The following FOXP2 variants were observed in gnomAD, a reference collection of about 807,000 sequenced individuals.
The protein encoded by FOXP2 is forkhead box protein P2.
FOXP2 carries 12 observed loss-of-function variants against 115.8 expected under a neutral mutation model. That is an observed-to-expected ratio of 0.10 (90% confidence interval 0.07 to 0.17). The LOEUF is 0.17. FOXP2 is among the 10% of genes least tolerant of loss of function. The pLI is 1.00. For synonymous variants in FOXP2, 328 were observed against 297.7 expected, an observed-to-expected ratio of 1.10 and a Z score of -1.05; for missense variants, 629 against 843.5, an observed-to-expected ratio of 0.75 and a Z score of 3.15.
chr7:114,219,994 G>A (rs1218359793), intron 1 of FOXP2, among the ~76,000 whole-genome samples: 1 of 151,484 alleles, frequency 6.6e-6, no homozygotes, highest in Non-Finnish European at 1.5e-5. Context: ...AGCCTCCTGA[G>A]TAGCTGGGAC....
chr7:114,535,486 AT>A (rs1367982303), intron 3 of FOXP2, among the ~76,000 whole-genome samples: 5 of 151,628 alleles, frequency 3.3e-5, no homozygotes, highest in Non-Finnish European at 7.4e-5. Flanking sequence ...TACATGTCTA[AT>A]AAGGCAAATT....
chr7:114,607,514 T>A (rs1243641376), intron 3 of FOXP2, among the ~76,000 whole-genome samples: 2 of 152,106 alleles, frequency 1.3e-5, no homozygotes, highest in Non-Finnish European at 2.9e-5. Flanking sequence ...GAGATAAAAA[T>A]GTGATAAAAT....
chr7:114,468,372 G>A (rs910860643), intron 2 of FOXP2, among the ~76,000 whole-genome samples: 4 of 151,772 alleles, frequency 2.6e-5, no homozygotes, highest in East Asian at 1.9e-4. Context: ...TTGTCATGTC[G>A]CTCACTTGCT....
rs141060721 is a variant in FOXP2 at position 114,500,285 on chromosome 7, T to TA, written c.169-34331dup. 2.4e-3 allele frequency among the ~76,000 whole-genome samples: 362 copies of TA among 151,600 alleles called. 2 individuals carry two copies. The highest frequency in any genetic ancestry group is 8.3e-3 in the African/African-American group (345 of 41,344). On this transcript the variant is annotated intron_variant, in intron 2 of 16. Transcript: ENST00000350908. Reference sequence around the variant, plus strand: ...CTTGTCAAAATGAGAAACTGAAACTTATAGTGGCTCAAGGATTTTTTCGTC... The same window carrying TA: ...CTTGTCAAAATGAGAAACTGAAACTTAATAGTGGCTCAAGGATTTTTTCGTC...
chr7:114,406,016 A>T (rs1465900352), intron 2 of FOXP2, among the ~76,000 whole-genome samples: 1 of 151,990 alleles, frequency 6.6e-6, no homozygotes, highest in South Asian at 2.1e-4. Context: ...AATAACTGTC[A>T]ATTTTAGTAA....
chr7:114,651,979 A>C (rs573864419), intron 8 of FOXP2, among the ~76,000 whole-genome samples: 1 of 152,174 alleles, frequency 6.6e-6, no homozygotes, highest in Non-Finnish European at 1.5e-5. Flanking sequence ...AGGTAAGCTT[A>C]GAGACAGTGA....
chr7:114,603,670 C>A (rs925110585), intron 3 of FOXP2, among the ~76,000 whole-genome samples: 4 of 152,108 alleles, frequency 2.6e-5, no homozygotes, highest in Non-Finnish European at 5.9e-5. Flanking sequence ...AGTGATTTTT[C>A]AATAAGAATG....
At position 114,526,488 on chromosome 7, in the gene FOXP2, C is replaced by CA. The variant is rs572768894; in HGVS notation, c.169-8118dup. 8.2e-3 allele frequency among the ~76,000 whole-genome samples: 1,127 copies of CA among 137,712 alleles called. 5 individuals are homozygous for CA. Among genetic ancestry groups the CA allele is most frequent in the Middle Eastern group, 0.016 (4 of 254 alleles). 90.3% of individuals were successfully genotyped at this position (137,712 alleles called of 152,430 possible). On this transcript the variant is annotated intron_variant, in intron 2 of 16. Transcript: ENST00000350908. ...GAGACTCTGTCTCAAAAAAAAAAAA[C>CA]AAAAAAAAAAACACAACAAACAAAA...
At chr7:114,587,324 A>G (rs982232202) in intron 3 of FOXP2, among the ~76,000 whole-genome samples, 5 of 152,000 alleles carry the variant, frequency 3.3e-5, no homozygotes, top group East Asian at 3.9e-4. Context: ...GAGAACATGC[A>G]GTGTTTGGTT....
chr7:114,666,290 T>C (rs1013775378), intron 16 of FOXP2: 3 of 152,116 alleles, frequency 2.0e-5, no homozygotes, highest in Non-Finnish European at 4.4e-5. Context: ...TTTTCTAAGT[T>C]ACATCAATTA....
intron 3 of FOXP2, among the ~76,000 whole-genome samples, chr7:114,603,478 A>G (rs188426101): frequency 6.6e-6 from 1 of 152,208 alleles, no homozygotes; most frequent in Non-Finnish European, 1.5e-5. Context: ...CTAATGACCA[A>G]TTAATTGGTA....
intron 1 of FOXP2, among the ~76,000 whole-genome samples, chr7:114,199,909 T>G (rs1411409201): frequency 2.6e-5 from 4 of 152,202 alleles, no homozygotes; most frequent in African/African-American, 4.8e-5. Flanking sequence ...AAATTTGATA[T>G]GCTATCATCT....
chr7:114,376,822 C>T (rs970424466), intron 2 of FOXP2, among the ~76,000 whole-genome samples: 1 of 152,032 alleles, frequency 6.6e-6, no homozygotes, highest in Admixed American at 6.5e-5. Flanking sequence ...CTGATTATGA[C>T]TGAATCATAG....
chr7:114,573,968 T>C (rs1344794133), intron 3 of FOXP2, among the ~76,000 whole-genome samples: 1 of 151,710 alleles, frequency 6.6e-6, no homozygotes, highest in Non-Finnish European at 1.5e-5. Context: ...AATAAAAATA[T>C]TTTTTCATAG....
At chr7:114,648,231 T>C (rs1014822155) in intron 8 of FOXP2, among the ~76,000 whole-genome samples, 1 of 152,114 alleles carries the variant, frequency 6.6e-6, no homozygotes, top group Non-Finnish European at 1.5e-5. Flanking sequence ...AGGCATTCTT[T>C]GAACTTGTCA....
intron 2 of FOXP2, among the ~76,000 whole-genome samples, chr7:114,309,287 G>T (rs974615885): frequency 6.6e-6 from 1 of 152,162 alleles, no homozygotes. Flanking sequence ...CAGGAAACTG[G>T]TTTCTTGTTA....
chr7:114,323,030 A>G (rs893553478), intron 2 of FOXP2, among the ~76,000 whole-genome samples: 1 of 152,152 alleles, frequency 6.6e-6, no homozygotes, highest in African/African-American at 2.4e-5. Flanking sequence ...TCTTAGTTCC[A>G]TATTTTATAT....
At chr7:114,647,780 A>C (rs1805996675) in intron 8 of FOXP2, among the ~76,000 whole-genome samples, 1 of 152,078 alleles carries the variant, frequency 6.6e-6, no homozygotes, top group Admixed American at 6.6e-5. Flanking sequence ...CATTGGAACT[A>C]AGTCAGCTTG....
chr7:114,330,370 C>T (rs1305274538), intron 2 of FOXP2, among the ~76,000 whole-genome samples: 6 of 151,402 alleles, frequency 4.0e-5, no homozygotes, highest in Non-Finnish European at 8.8e-5. Flanking sequence ...CGGTGGCTCA[C>T]GCCTATAATC....
Sources: allele counts gnomAD v4.1 joint callset (sites outside exome capture counted in the v4.1 genomes callset), GRCh38; gene constraint gnomAD v4.1.1; transcripts MANE v1.5; gene names NCBI Gene and HGNC (gene_info 2026-07-23, HGNC 2026-07-21).